SLC25A26: variants seen among roughly 807,000 people sequenced by gnomAD.
SLC25A26 encodes mitochondrial S-adenosylmethionine carrier protein.
A neutral mutation model predicts 37.8 loss-of-function variants in SLC25A26; 36 were observed. The observed-to-expected ratio is 0.95, with a 90% CI of 0.73 to 1.26. The LOEUF is 1.26. Among genes scored for constraint, SLC25A26 ranks in the 50% most tolerant of loss-of-function variants. The pLI, the probability that SLC25A26 is intolerant of heterozygous loss-of-function variation, is 0.00. For synonymous variants in SLC25A26, 129 were observed against 122.5 expected (o/e 1.05, Z -0.35); for missense variants, 390 against 331.1 (o/e 1.18, Z -1.38).
At chr3:66,355,509 T>G (rs1461034303) in intron 6 of SLC25A26, among the ~76,000 whole-genome samples, 1 of 152,208 alleles carries the variant, frequency 6.6e-6, no homozygotes, top group African/African-American at 2.4e-5. Flanking sequence ...AAAATTCATT[T>G]TAGCCTTTTA....
chr3:66,269,656 C>T (rs332341), intron 5 of SLC25A26, among the ~76,000 whole-genome samples: 32,622 of 152,032 alleles, frequency 0.21, 4,966 homozygotes, highest in East Asian at 0.71. Flanking sequence ...GCCAGAACTT[C>T]TGTTGCATCT....
intron 1 of SLC25A26, among the ~76,000 whole-genome samples, chr3:66,223,777 G>A (rs1039136978): frequency 6.6e-6 from 1 of 152,202 alleles, no homozygotes; most frequent in South Asian, 2.1e-4. Context: ...TTGAATAAGT[G>A]GAGAGCCTCT....
intron 5 of SLC25A26, among the ~76,000 whole-genome samples, chr3:66,296,219 A>G (rs2074898229): frequency 6.6e-6 from 1 of 152,226 alleles, no homozygotes; most frequent in Non-Finnish European, 1.5e-5. Context: ...CTGAATTATT[A>G]GTTCAAAGAA....
chr3:66,316,048 G>A (rs952042040), intron 5 of SLC25A26, among the ~76,000 whole-genome samples: 12 of 152,202 alleles, frequency 7.9e-5, no homozygotes, highest in African/African-American at 2.9e-4. Context: ...CACAGCAATG[G>A]ATCTTGACTC....
chr3:66,235,242 GTTTTCT>G (rs2072218703), intron 1 of SLC25A26, among the ~76,000 whole-genome samples: 1 of 152,028 alleles, frequency 6.6e-6, no homozygotes, highest in Admixed American at 6.6e-5. Flanking sequence ...GTCAATTTCT[GTTTTCT>G]TTGACTAAGG....
intron 1 of SLC25A26, among the ~76,000 whole-genome samples, chr3:66,155,595 G>A (rs2070270726): frequency 6.6e-6 from 1 of 152,232 alleles, no homozygotes; most frequent in African/African-American, 2.4e-5. Context: ...TGGCTCCTAT[G>A]TGGTAGGATT....
At chr3:66,377,656 C>A (rs774587515) in intron 9 of SLC25A26, 34 bp from the exon 10 acceptor site, 2 of 1,526,238 alleles carry the variant, frequency 1.3e-6, no homozygotes, top group East Asian at 2.2e-5. Context: ...TTTTAAAATA[C>A]GCACAACATT....
intron 1 of SLC25A26, among the ~76,000 whole-genome samples, chr3:66,189,153 A>G (rs2070887823): frequency 6.6e-6 from 1 of 151,874 alleles, no homozygotes; most frequent in African/African-American, 2.4e-5. Context: ...ACTGACCCTT[A>G]TTTGACCTCA....
intron 5 of SLC25A26, among the ~76,000 whole-genome samples, chr3:66,342,813 T>C (rs1005741417): frequency 6.6e-5 from 10 of 152,182 alleles, no homozygotes; most frequent in African/African-American, 2.4e-4. Flanking sequence ...GCAGGCTTTT[T>C]CCCCCTCCAT....
intron 1 of SLC25A26, among the ~76,000 whole-genome samples, chr3:66,206,014 G>A (rs2071171930): frequency 6.6e-6 from 1 of 152,134 alleles, no homozygotes; most frequent in Admixed American, 6.5e-5. Flanking sequence ...CAATCTTCCT[G>A]GGAACCTCTG....
intron 5 of SLC25A26, among the ~76,000 whole-genome samples, chr3:66,296,969 G>C (rs2074922431): frequency 6.6e-6 from 1 of 152,224 alleles, no homozygotes; most frequent in Admixed American, 6.5e-5. Flanking sequence ...CATGTGACAA[G>C]AGTCCAGATT....
At chr3:66,320,007 A>G (rs537916658) in intron 5 of SLC25A26, among the ~76,000 whole-genome samples, 9 of 152,170 alleles carry the variant, frequency 5.9e-5, no homozygotes, top group Non-Finnish European at 1.2e-4. Flanking sequence ...TAGCCTCCCA[A>G]AGTGCTGGAA....
intron 2 of SLC25A26, among the ~76,000 whole-genome samples, chr3:66,238,915 A>G (rs918903155): frequency 6.6e-6 from 1 of 152,098 alleles, no homozygotes; most frequent in South Asian, 2.1e-4. Flanking sequence ...CTTTATGGAA[A>G]TTTATCATAG....
intron 5 of SLC25A26, among the ~76,000 whole-genome samples, chr3:66,326,995 A>G (rs895100568): frequency 6.6e-6 from 1 of 152,182 alleles, no homozygotes; most frequent in Admixed American, 6.5e-5. Context: ...CATGTTTAAA[A>G]ATGGAAAAGC....
chr3:66,308,602 A>G (rs1040755064), intron 5 of SLC25A26, among the ~76,000 whole-genome samples: 18 of 152,218 alleles, frequency 1.2e-4, no homozygotes, highest in African/African-American at 3.6e-4. Flanking sequence ...TAATGCTTCT[A>G]GCTTTTCCCC....
At chr3:66,346,466 T>A in intron 6 of SLC25A26, 58 bp downstream of exon 6, 2 of 912,884 alleles carry the variant, frequency 2.2e-6, no homozygotes. Flanking sequence ...CCTAATAGTT[T>A]GAGTGTGGAA....
chr3:66,260,929 A>G (rs551592203), intron 3 of SLC25A26, among the ~76,000 whole-genome samples: 1 of 152,346 alleles, frequency 6.6e-6, no homozygotes, highest in East Asian at 1.9e-4. Flanking sequence ...CCTTAGAACC[A>G]TTTAATTTTG....
chr3:66,287,252 C>T lies in SLC25A26; in HGVS notation c.453+23873C>T, dbSNP rs180837835. ...CGGAGCTTGCAGTTAGCCCAGATCA[C>T]GCCATTGCACTCTAGCCTGGGCGAC... On this transcript the variant is annotated intron_variant, in intron 5 of 9. Coordinates refer to ENST00000354883, the MANE Select transcript of SLC25A26 (RefSeq NM_001379210.1). Among the ~76,000 whole-genome samples, 635 of 151,060 alleles carry T rather than the reference C, an allele frequency of 4.2e-3. 3 individuals carry two copies. Among genetic ancestry groups the T allele is most frequent in the Non-Finnish European group, 7.3e-3 (494 of 67,912 alleles).
chr3:66,278,675 A>T (rs140018895), intron 5 of SLC25A26, among the ~76,000 whole-genome samples: 112 of 152,230 alleles, frequency 7.4e-4, no homozygotes, highest in African/African-American at 2.6e-3. Context: ...ACTTTAAGTT[A>T]TATATTCGTT....
Sources: gnomAD v4.1 joint callset for allele counts (sites outside exome capture counted in the v4.1 genomes callset) on GRCh38, gnomAD v4.1.1 for gene constraint, MANE v1.5 for transcripts, NCBI Gene and HGNC (gene_info 2026-07-23, HGNC 2026-07-21) for gene names.